HEMK2: variants seen among roughly 807,000 people sequenced by gnomAD.
HEMK2 encodes the protein HemK methyltransferase 2, ETF1 glutamine and histone H4 lysine.
chr21:28,791,368 G>A, the HEMK2 span, among the ~76,000 whole-genome samples: 4 of 152,270 alleles, frequency 2.6e-5, no homozygotes, highest in South Asian at 8.3e-4. Context: ...TTCTGAGATG[G>A]TGGGGTATTG....
At chr21:28,587,136 C>G in the HEMK2 span, among the ~76,000 whole-genome samples, 10 of 148,808 alleles carry the variant, frequency 6.7e-5, no homozygotes, top group Non-Finnish European at 1.5e-4. Flanking sequence ...TATAGTAACA[C>G]ATGGGAAATG....
the HEMK2 span, among the ~76,000 whole-genome samples, chr21:28,672,351 G>A: frequency 6.6e-6 from 1 of 151,936 alleles, no homozygotes; most frequent in Non-Finnish European, 1.5e-5. Flanking sequence ...TTAAGATGTA[G>A]AAAATGGTAT....
At chr21:28,752,478 G>A in the HEMK2 span, among the ~76,000 whole-genome samples, 1 of 152,152 alleles carries the variant, frequency 6.6e-6, no homozygotes, top group Admixed American at 6.5e-5. Flanking sequence ...TAATCTTGAT[G>A]CTTCTTCCAT....
the HEMK2 span, among the ~76,000 whole-genome samples, chr21:28,629,422 C>T: frequency 3.9e-5 from 6 of 152,194 alleles, no homozygotes; most frequent in Non-Finnish European, 5.9e-5. Flanking sequence ...AGATCCTACA[C>T]ATCAAAATAC....
the HEMK2 span, among the ~76,000 whole-genome samples, chr21:28,681,939 A>G: frequency 6.6e-6 from 1 of 152,268 alleles, no homozygotes; most frequent in Admixed American, 6.5e-5. Context: ...ACCTAAAACC[A>G]TGAAAACCCT....
chr21:28,657,511 C>T, the HEMK2 span, among the ~76,000 whole-genome samples: 2 of 152,144 alleles, frequency 1.3e-5, no homozygotes, highest in African/African-American at 4.8e-5. Flanking sequence ...CTCAATTATC[C>T]TACCAGAAAA....
the HEMK2 span, among the ~76,000 whole-genome samples, chr21:28,690,819 C>G: frequency 6.6e-6 from 1 of 152,148 alleles, no homozygotes; most frequent in Non-Finnish European, 1.5e-5. Context: ...TTCCAATATA[C>G]AGCATCTCCC....
the HEMK2 span, among the ~76,000 whole-genome samples, chr21:28,724,694 A>G: frequency 1.3e-5 from 2 of 150,552 alleles, no homozygotes; most frequent in African/African-American, 2.5e-5. Flanking sequence ...ATTCCCCTAA[A>G]CATCTGACTT....
At chr21:28,815,400 G>T in the HEMK2 span, among the ~76,000 whole-genome samples, 1 of 151,726 alleles carries the variant, frequency 6.6e-6, no homozygotes, top group Non-Finnish European at 1.5e-5. Flanking sequence ...AAGAAAAAAA[G>T]ATAGGGAAGG....
At chr21:28,813,052 T>C in the HEMK2 span, among the ~76,000 whole-genome samples, 1 of 152,286 alleles carries the variant, frequency 6.6e-6, no homozygotes, top group Non-Finnish European at 1.5e-5. Context: ...AAGACAAGGA[T>C]GCCCTCTCTC....
the HEMK2 span, among the ~76,000 whole-genome samples, chr21:28,827,154 T>G: frequency 6.6e-6 from 1 of 152,202 alleles, no homozygotes; most frequent in Non-Finnish European, 1.5e-5. Context: ...CAAAGTCTAA[T>G]GGAACTGCTT....
the HEMK2 span, among the ~76,000 whole-genome samples, chr21:28,612,041 A>G: frequency 6.6e-6 from 1 of 152,104 alleles, no homozygotes. Context: ...TCCAAAAGAT[A>G]GTGATAGAGG....
At chr21:28,804,903 G>A in the HEMK2 span, among the ~76,000 whole-genome samples, 1 of 152,140 alleles carries the variant, frequency 6.6e-6, no homozygotes, top group Non-Finnish European at 1.5e-5. Flanking sequence ...TGTAATTCAT[G>A]TTTCTCAAAG....
At chr21:28,871,940 G>T in the HEMK2 span, among the ~76,000 whole-genome samples, 1 of 152,122 alleles carries the variant, frequency 6.6e-6, no homozygotes, top group African/African-American at 2.4e-5. Context: ...GGACACAAGA[G>T]ATATTGGATT....
the HEMK2 span, among the ~76,000 whole-genome samples, chr21:28,609,868 A>T: frequency 6.6e-6 from 1 of 152,068 alleles, no homozygotes; most frequent in Non-Finnish European, 1.5e-5. Flanking sequence ...AAGACAAAAA[A>T]TTTTTTTAAA....
chr21:28,592,477 T>C, the HEMK2 span, among the ~76,000 whole-genome samples: 12 of 152,212 alleles, frequency 7.9e-5, no homozygotes, highest in African/African-American at 1.2e-4. Context: ...GATGGGCTTA[T>C]TGAAGGACTA....
the HEMK2 span, among the ~76,000 whole-genome samples, chr21:28,831,683 G>GA: frequency 2.2e-3 from 110 of 50,254 alleles, no homozygotes; most frequent in Middle Eastern, 0.016. Flanking sequence ...AAGAAAGAAA[G>GA]AAGGAAGGAA....
chr21:28,874,569 C>T, the HEMK2 span: 1 of 152,252 alleles, frequency 6.6e-6, no homozygotes, highest in African/African-American at 2.4e-5. Context: ...GTCACCATGG[C>T]TACTTTGCTC....
At chr21:28,653,647 GT>G in the HEMK2 span, among the ~76,000 whole-genome samples, 1 of 152,092 alleles carries the variant, frequency 6.6e-6, no homozygotes, top group Non-Finnish European at 1.5e-5. Flanking sequence ...CAAGTTTCTT[GT>G]TTGTTTACAG....
Sources: allele counts gnomAD v4.1 joint callset (sites outside exome capture counted in the v4.1 genomes callset), GRCh38; gene constraint gnomAD v4.1.1; transcripts MANE v1.5; gene names NCBI Gene and HGNC (gene_info 2026-07-23, HGNC 2026-07-21).